Variants in HIBADH observed in about 807,000 individuals in gnomAD.
HIBADH encodes the protein 3-hydroxyisobutyrate dehydrogenase, mitochondrial.
A neutral mutation model predicts 36.1 loss-of-function variants in HIBADH; 25 were observed. That is an observed-to-expected ratio of 0.69 (90% CI 0.50 to 0.97). The LOEUF is 0.97. HIBADH is among the 50% of genes least tolerant of loss of function. The pLI is 0.00. For synonymous variants in HIBADH, 160 were observed against 149.5 expected (o/e 1.07, Z -0.51); for missense variants, 421 against 418.0 (o/e 1.01, Z -0.06).
At chr7:27,569,655 C>T (rs931744547) in intron 4 of HIBADH, among the ~76,000 whole-genome samples, 2 of 152,016 alleles carry the variant, frequency 1.3e-5, no homozygotes, top group Non-Finnish European at 2.9e-5. Flanking sequence ...CTCTCTGACA[C>T]TCTACTACCC....
chr7:27,550,894 T>C (rs78307220), intron 4 of HIBADH, among the ~76,000 whole-genome samples: 18,917 of 152,264 alleles, frequency 0.12, 1,593 homozygotes, highest in Non-Finnish European at 0.17. Flanking sequence ...GACTTAATAT[T>C]TTCTAGTTTA....
intron 4 of HIBADH, among the ~76,000 whole-genome samples, chr7:27,613,174 AATATATTTATATAAATATATATATT>A (rs1785361375): frequency 1.1e-4 from 1 of 9,334 alleles, no homozygotes; most frequent in East Asian, 0.019. Flanking sequence ...TATTTATATA[AATATATTTATATAAATATATATATT>A]TATATTTATA....
intron 1 of HIBADH, among the ~76,000 whole-genome samples, chr7:27,654,836 C>T (rs1039308815): frequency 2.6e-5 from 4 of 152,028 alleles, no homozygotes; most frequent in African/African-American, 4.8e-5. Context: ...CAGGCACATG[C>T]CACCAGTCCT....
intron 4 of HIBADH, among the ~76,000 whole-genome samples, chr7:27,554,267 C>T (rs567693794): frequency 7.6e-4 from 116 of 152,236 alleles, no homozygotes; most frequent in Non-Finnish European, 1.5e-3. Flanking sequence ...ATTACAGGCG[C>T]GAGCCACCGC....
chr7:27,614,509 A>G (rs1045716030), intron 4 of HIBADH, among the ~76,000 whole-genome samples: 4 of 152,232 alleles, frequency 2.6e-5, no homozygotes, highest in African/African-American at 7.2e-5. Context: ...GTCTACAAGG[A>G]GATATACATT....
chr7:27,552,303 A>T (rs965230563), intron 4 of HIBADH, among the ~76,000 whole-genome samples: 1 of 152,214 alleles, frequency 6.6e-6, no homozygotes, highest in Non-Finnish European at 1.5e-5. Flanking sequence ...ATAAGCCAGC[A>T]TAACATAACC....
intron 4 of HIBADH, among the ~76,000 whole-genome samples, chr7:27,580,702 G>A (rs894494557): frequency 1.3e-5 from 2 of 152,144 alleles, no homozygotes; most frequent in Non-Finnish European, 2.9e-5. Context: ...ATTATGTATT[G>A]TTACAGGCAT....
intron 4 of HIBADH, among the ~76,000 whole-genome samples, chr7:27,582,389 A>G (rs941717338): frequency 6.6e-6 from 1 of 152,148 alleles, no homozygotes; most frequent in Admixed American, 6.6e-5. Context: ...GTTACATAGC[A>G]TATGGTAAAT....
At chr7:27,646,023 G>A (rs949537420) in intron 2 of HIBADH, among the ~76,000 whole-genome samples, 9 of 151,748 alleles carry the variant, frequency 5.9e-5, no homozygotes, top group African/African-American at 2.2e-4. Flanking sequence ...AGAATCCTTC[G>A]CCAAATCCAA....
At chr7:27,543,130 G>T (rs767864211) in intron 4 of HIBADH, 30 bp from the exon 5 acceptor site, 2 of 1,608,968 alleles carry the variant, frequency 1.2e-6, no homozygotes, top group Non-Finnish European at 1.7e-6. Context: ...AGGGATAGAA[G>T]CAAAAGAATA....
intron 1 of HIBADH, among the ~76,000 whole-genome samples, chr7:27,653,702 ACTCCAGCCTGG>A (rs1476970937): frequency 6.6e-6 from 1 of 151,628 alleles, no homozygotes; most frequent in East Asian, 1.9e-4. Context: ...GCACCACTGC[ACTCCAGCCTGG>A]GCGACAATGT....
At chr7:27,571,239 T>G (rs1320757551) in intron 4 of HIBADH, among the ~76,000 whole-genome samples, 1 of 143,662 alleles carries the variant, frequency 7.0e-6, no homozygotes, top group Non-Finnish European at 1.5e-5. Flanking sequence ...TATTTTTTTT[T>G]GAGACGGAGT....
chr7:27,548,997 G>A (rs1015915105), intron 4 of HIBADH, among the ~76,000 whole-genome samples: 3 of 152,132 alleles, frequency 2.0e-5, no homozygotes, highest in Non-Finnish European at 4.4e-5. Context: ...GAATCCATTT[G>A]TGAATCTAGT....
At chr7:27,620,692 T>G (rs1266568212) in intron 4 of HIBADH, among the ~76,000 whole-genome samples, 1 of 151,782 alleles carries the variant, frequency 6.6e-6, no homozygotes, top group African/African-American at 2.4e-5. Context: ...TTTACCATCA[T>G]GAAAACACAT....
intron 4 of HIBADH, among the ~76,000 whole-genome samples, chr7:27,617,086 C>CACTCACTCACT (rs70994669): frequency 0.79 from 120,496 of 151,850 alleles, 48,194 homozygotes; most frequent in East Asian, 0.97. Context: ...ATTCACTCAC[C>CACTCACTCACT]GACTCATCCA....
At chr7:27,655,597 T>C (rs1047622336) in intron 1 of HIBADH, among the ~76,000 whole-genome samples, 2 of 151,808 alleles carry the variant, frequency 1.3e-5, no homozygotes, top group African/African-American at 4.8e-5. Flanking sequence ...CACAAACAGA[T>C]AAAATACAAA....
intron 4 of HIBADH, among the ~76,000 whole-genome samples, chr7:27,550,806 T>C (rs1027870343): frequency 6.6e-6 from 1 of 152,218 alleles, no homozygotes; most frequent in Non-Finnish European, 1.5e-5. Flanking sequence ...GTCTGATAAA[T>C]GTTAATTTTC....
At chr7:27,577,081 T>C (rs963807346) in intron 4 of HIBADH, among the ~76,000 whole-genome samples, 9 of 152,052 alleles carry the variant, frequency 5.9e-5, no homozygotes, top group Admixed American at 2.0e-4. Context: ...CTTAAATTTT[T>C]CTTAAAGAGA....
intron 3 of HIBADH, among the ~76,000 whole-genome samples, chr7:27,631,542 C>G (rs80146762): frequency 2.2e-3 from 332 of 152,248 alleles, no homozygotes; most frequent in African/African-American, 7.8e-3. Flanking sequence ...GGAATAGAAA[C>G]AGTGACATGA....
Sources: gnomAD v4.1 joint callset for allele counts (sites outside exome capture counted in the v4.1 genomes callset) on GRCh38, gnomAD v4.1.1 for gene constraint, MANE v1.5 for transcripts, NCBI Gene and HGNC (gene_info 2026-07-23, HGNC 2026-07-21) for gene names.